The following VPS13B variants were observed in gnomAD, a reference collection of about 807,000 sequenced individuals.
The protein encoded by VPS13B is intermembrane lipid transfer protein VPS13B.
VPS13B carries 285 observed loss-of-function variants against 426.4 expected under a neutral mutation model. That is an observed-to-expected ratio of 0.67 (90% CI 0.61 to 0.74). VPS13B has a LOEUF of 0.74. Among genes scored for constraint, VPS13B ranks in the 30% least tolerant of loss-of-function variants. VPS13B has a pLI of 0.00. For missense variants in VPS13B, 4,537 were observed against 4,782.6 expected (o/e 0.95, Z 1.51); for synonymous variants, 1,676 against 1,676.4 (o/e 1.00, Z 0.01).
intron 17 of VPS13B, among the ~76,000 whole-genome samples, chr8:99,207,721 C>CT (rs1320460844): frequency 1.3e-5 from 2 of 152,030 alleles, no homozygotes; most frequent in Non-Finnish European, 2.9e-5. Flanking sequence ...AGAAAAGATA[C>CT]TTTTTTTGCC....
At chr8:99,610,565 C>T (rs925696019) in intron 33 of VPS13B, among the ~76,000 whole-genome samples, 2 of 149,728 alleles carry the variant, frequency 1.3e-5, no homozygotes, top group Admixed American at 6.7e-5. Flanking sequence ...GGGAGGGGAA[C>T]ATCACACACC....
chr8:99,556,412 T>C, intron 30 of VPS13B, 38 bp from the exon 31 acceptor site: 7 of 1,595,434 alleles, frequency 4.4e-6, no homozygotes, highest in Non-Finnish European at 6.0e-6. Flanking sequence ...TTATCTGTTT[T>C]CTTGTTTTTA....
At chr8:99,716,111 A>G (rs556624612) in intron 36 of VPS13B, among the ~76,000 whole-genome samples, 1 of 152,206 alleles carries the variant, frequency 6.6e-6, no homozygotes, top group South Asian at 2.1e-4. Context: ...TTCCACCATG[A>G]TTATTTTTAA....
At chr8:99,816,811 A>G (rs543294015) in intron 44 of VPS13B, among the ~76,000 whole-genome samples, 606 of 152,234 alleles carry the variant, frequency 4.0e-3, no homozygotes, top group Non-Finnish European at 6.2e-3. Flanking sequence ...TCTAAAAAAA[A>G]CTAAATAAAT....
chr8:99,618,743 T>G (rs1390545703), intron 33 of VPS13B, among the ~76,000 whole-genome samples: 2 of 152,240 alleles, frequency 1.3e-5, no homozygotes, highest in Non-Finnish European at 2.9e-5. Flanking sequence ...ATATAATCCT[T>G]TGACCTCGTT....
chr8:99,730,169 C>T (rs1833534099), intron 39 of VPS13B, among the ~76,000 whole-genome samples: 2 of 152,320 alleles, frequency 1.3e-5, no homozygotes, highest in South Asian at 4.1e-4. Context: ...GGCAGCTGTA[C>T]TAATGTGTCC....
intron 23 of VPS13B, among the ~76,000 whole-genome samples, chr8:99,453,300 C>T (rs1818289284): frequency 6.6e-6 from 1 of 152,116 alleles, no homozygotes; most frequent in Non-Finnish European, 1.5e-5. Flanking sequence ...TTTCCAGTTT[C>T]ACTTAGTGTG....
chr8:99,463,238 T>C (rs1818928972), intron 23 of VPS13B, among the ~76,000 whole-genome samples: 1 of 152,240 alleles, frequency 6.6e-6, no homozygotes. Context: ...TTTTGCATTG[T>C]TTACAATTGA....
At chr8:99,217,396 A>G (rs1474904491) in intron 17 of VPS13B, among the ~76,000 whole-genome samples, 1 of 152,194 alleles carries the variant, frequency 6.6e-6, no homozygotes, top group Admixed American at 6.5e-5. Context: ...CTACCTGATA[A>G]TGATAGTACC....
intron 51 of VPS13B, among the ~76,000 whole-genome samples, chr8:99,830,134 G>A (rs958732801): frequency 6.6e-6 from 1 of 152,206 alleles, no homozygotes; most frequent in East Asian, 1.9e-4. Context: ...ACTGTGCTGG[G>A]AGATCCACTG....
At chr8:99,123,763 A>T (rs1193333489) in intron 8 of VPS13B, among the ~76,000 whole-genome samples, 2 of 152,162 alleles carry the variant, frequency 1.3e-5, no homozygotes, top group Non-Finnish European at 2.9e-5. Flanking sequence ...ATGAAAAAAA[A>T]AAGATGATCC....
chr8:99,048,295 A>G (rs1444610811), intron 3 of VPS13B, among the ~76,000 whole-genome samples: 1 of 152,186 alleles, frequency 6.6e-6, no homozygotes, highest in Non-Finnish European at 1.5e-5. Flanking sequence ...AGAAAGTTTC[A>G]TGCACTGAGG....
At chr8:99,566,716 G>A (rs1410128004) in intron 31 of VPS13B, among the ~76,000 whole-genome samples, 2 of 152,104 alleles carry the variant, frequency 1.3e-5, no homozygotes, top group African/African-American at 4.8e-5. Flanking sequence ...GTAGTGAGAG[G>A]CCACTGTGCC....
intron 31 of VPS13B, among the ~76,000 whole-genome samples, chr8:99,572,256 T>G (rs1437313528): frequency 1.3e-5 from 2 of 152,150 alleles, no homozygotes; most frequent in Non-Finnish European, 2.9e-5. Flanking sequence ...AAACTTTGCT[T>G]TCTCAATAAT....
intron 33 of VPS13B, among the ~76,000 whole-genome samples, chr8:99,594,967 T>C (rs1826924247): frequency 6.6e-6 from 1 of 152,008 alleles, no homozygotes; most frequent in Non-Finnish European, 1.5e-5. Context: ...TAATTATTGC[T>C]GAAATTTTAG....
chr8:99,702,724 C>A (rs963412354), intron 36 of VPS13B, among the ~76,000 whole-genome samples: 3 of 152,048 alleles, frequency 2.0e-5, no homozygotes, highest in Non-Finnish European at 4.4e-5. Flanking sequence ...TACAAAGGAA[C>A]AATTATAGCA....
intron 40 of VPS13B, among the ~76,000 whole-genome samples, chr8:99,775,401 G>C (rs1370013101): frequency 6.6e-6 from 1 of 152,198 alleles, no homozygotes; most frequent in Non-Finnish European, 1.5e-5. Context: ...ACAGTGAGCT[G>C]TGGGGAAAGG....
chr8:99,441,418 A>G (rs1323914608), intron 22 of VPS13B, among the ~76,000 whole-genome samples: 1 of 152,140 alleles, frequency 6.6e-6, no homozygotes, highest in African/African-American at 2.4e-5. Flanking sequence ...CCAAGAATGT[A>G]TGAATTAAAA....
At chr8:99,622,934 A>G (rs1474087576) in intron 33 of VPS13B, among the ~76,000 whole-genome samples, 1 of 152,166 alleles carries the variant, frequency 6.6e-6, no homozygotes, top group Non-Finnish European at 1.5e-5. Flanking sequence ...TCTCACCTAG[A>G]TTACTAAGGT....
Sources: gnomAD v4.1 joint callset for allele counts (sites outside exome capture counted in the v4.1 genomes callset) on GRCh38, gnomAD v4.1.1 for gene constraint, MANE v1.5 for transcripts, NCBI Gene and HGNC (gene_info 2026-07-23, HGNC 2026-07-21) for gene names.